NPHP1: variants seen among roughly 807,000 people sequenced by gnomAD.
The protein encoded by NPHP1 is nephrocystin 1.
NPHP1 carries 70 observed loss-of-function variants against 90.4 expected under a neutral mutation model. The ratio of observed to expected loss-of-function variants is 0.77; its 90% CI spans 0.64 to 0.95. The LOEUF (loss-of-function observed/expected upper bound fraction) is 0.95, where lower values mean the gene tolerates loss of function less well. Among genes scored for constraint, NPHP1 ranks in the 40% least tolerant of loss-of-function variants. NPHP1 has a pLI of 0.00. For synonymous variants in NPHP1, 256 were observed against 271.7 expected (o/e 0.94, Z 0.57); for missense variants, 764 against 795.9 (o/e 0.96, Z 0.48).
chr2:110,125,122 A>G (rs2048243), intron 19 of NPHP1: 474,626 of 1,414,880 alleles, frequency 0.34, 84,038 homozygotes, highest in East Asian at 0.59. Flanking sequence ...AAAGCCAAGA[A>G]GATTTTCCAT....
intron 2 of NPHP1, chr2:110,184,442 C>A: frequency 1.4e-6 from 1 of 691,020 alleles, no homozygotes; most frequent in South Asian, 1.7e-5. Flanking sequence ...ACGTTTTCTT[C>A]AAGAGCTTCA....
intron 2 of NPHP1, chr2:110,184,738 C>T (rs1232000525): frequency 1.5e-5 from 11 of 719,032 alleles, no homozygotes; most frequent in Non-Finnish European, 2.9e-5. Context: ...AAGAAAGACC[C>T]TCCTACCTAT....
chr2:110,146,425 T>G (rs1234024454), intron 14 of NPHP1, among the ~76,000 whole-genome samples: 1 of 152,120 alleles, frequency 6.6e-6, no homozygotes, highest in Non-Finnish European at 1.5e-5. Context: ...TGGACTTAAC[T>G]TTCCCACTCT....
intron 4 of NPHP1, among the ~76,000 whole-genome samples, chr2:110,172,321 TG>T (rs1683190589): frequency 6.6e-6 from 1 of 152,130 alleles, no homozygotes; most frequent in Non-Finnish European, 1.5e-5. Flanking sequence ...AGTTTGGCTT[TG>T]TTGATATTGC....
chr2:110,156,765 T>C (rs185899710), intron 11 of NPHP1, among the ~76,000 whole-genome samples: 2 of 149,344 alleles, frequency 1.3e-5, no homozygotes, highest in East Asian at 4.0e-4. Context: ...TGTGTGTGTA[T>C]GTGTTTTGGT....
At chr2:110,181,639 G>T (rs1229765238) in intron 2 of NPHP1, among the ~76,000 whole-genome samples, 1 of 152,130 alleles carries the variant, frequency 6.6e-6, no homozygotes, top group African/African-American at 2.4e-5. Flanking sequence ...TTAAAGGTCA[G>T]CAACCTCAAA....
chr2:110,151,168 GAAAAAAAAAA>G (rs35894521), intron 11 of NPHP1, among the ~76,000 whole-genome samples: 5 of 116,478 alleles, frequency 4.3e-5, no homozygotes, highest in Non-Finnish European at 8.4e-5. Flanking sequence ...TCAGTCTCAA[GAAAAAAAAAA>G]AAAAAAAAAA....
chr2:110,140,867 C>T (rs1037471852), intron 16 of NPHP1, among the ~76,000 whole-genome samples: 1 of 152,088 alleles, frequency 6.6e-6, no homozygotes, highest in African/African-American at 2.4e-5. Context: ...AAAGATTGAA[C>T]TGTTAACACT....
At chr2:110,182,335 G>T (rs1683963894) in intron 2 of NPHP1, among the ~76,000 whole-genome samples, 1 of 151,306 alleles carries the variant, frequency 6.6e-6, no homozygotes, top group Middle Eastern at 3.2e-3. Flanking sequence ...ACATAATCAT[G>T]ATTCTTCAAG....
At chr2:110,176,497 A>G (rs1487025447) in intron 4 of NPHP1, among the ~76,000 whole-genome samples, 1 of 151,722 alleles carries the variant, frequency 6.6e-6, no homozygotes, top group Non-Finnish European at 1.5e-5. Flanking sequence ...GCTTTTTTGC[A>G]TTTCTGATTT....
At chr2:110,172,500 G>C (rs1052538524) in intron 4 of NPHP1, among the ~76,000 whole-genome samples, 8 of 151,694 alleles carry the variant, frequency 5.3e-5, no homozygotes, top group African/African-American at 1.5e-4. Flanking sequence ...TAAATTTCTG[G>C]CCAGGTGTGG....
intron 2 of NPHP1, among the ~76,000 whole-genome samples, chr2:110,193,842 G>T (rs1684935949): frequency 6.6e-6 from 1 of 152,230 alleles, no homozygotes; most frequent in East Asian, 1.9e-4. Context: ...TAGAACTGAG[G>T]ATTAAGAAAC....
chr2:110,123,677 G>T lies in NPHP1; in HGVS notation c.*114C>A. The T allele has an allele frequency of 3.0e-6, 3 of 1,015,474 alleles. No individual in the cohort carries two copies. Among genetic ancestry groups the T allele is most frequent in the Non-Finnish European group, 4.6e-6 (3 of 655,688 alleles). 62.9% of individuals were successfully genotyped at this position (1,015,474 alleles called of 1,614,324 possible). The stretch of plus-strand genomic sequence containing the variant: ...AAAAATATGGTCTGTAGAAAGAAAA[G>T]AGTAAAACCTAAGTTGTAAAGTGAC... On this transcript the variant is annotated 3_prime_UTR_variant, in exon 20 of 20. Transcript: ENST00000445609.
At chr2:110,124,179 G>A (rs1679188648) in intron 19 of NPHP1, 116 bp from the exon 20 acceptor site, 3 of 1,148,978 alleles carry the variant, frequency 2.6e-6, no homozygotes, top group Non-Finnish European at 3.9e-6. Context: ...TTAGTGCCTG[G>A]CAGGTATCGG....
At chr2:110,184,790 G>T (rs561786804) in intron 2 of NPHP1, 3 of 708,620 alleles carry the variant, frequency 4.2e-6, no homozygotes, top group African/African-American at 3.5e-5. Flanking sequence ...GACAGAGAAG[G>T]CTCAGTACTA....
At chr2:110,188,227 T>A (rs1684433856) in intron 2 of NPHP1, among the ~76,000 whole-genome samples, 1 of 152,136 alleles carries the variant, frequency 6.6e-6, no homozygotes. Context: ...ACTCAAATTA[T>A]CCCTGTTTGC....
At chr2:110,183,098 T>G (rs950183076) in intron 2 of NPHP1, among the ~76,000 whole-genome samples, 1 of 152,146 alleles carries the variant, frequency 6.6e-6, no homozygotes, top group Non-Finnish European at 1.5e-5. Flanking sequence ...AGAGCTATCC[T>G]AAATACATAT....
intron 5 of NPHP1, 136 bp from the exon 6 acceptor site, chr2:110,168,689 C>A: frequency 1.5e-6 from 1 of 656,530 alleles, no homozygotes. Context: ...TAAGGTTTAT[C>A]AAAAGCTTCC....
In NPHP1 at chr2:110,165,484, G is replaced by A. The variant is rs17842675; in HGVS notation, c.625-329C>T. On this transcript the variant is annotated intron_variant, in intron 6 of 19. Transcript: ENST00000445609. ...TTTACTTAAATAAAAAAGAAAAGAC[G>A]TAAAGATAAAAATAAAAGAAACATA... is the stretch of plus-strand genomic sequence containing the variant. Among the ~76,000 whole-genome samples the A allele has an allele frequency of 0.29, 44,707 of 151,660 alleles. 7,402 individuals are homozygous for A. The highest frequency in any genetic ancestry group is 0.56 in the East Asian group (2,899 of 5,164).
Sources: allele counts gnomAD v4.1 joint callset (sites outside exome capture counted in the v4.1 genomes callset), GRCh38; gene constraint gnomAD v4.1.1; transcripts MANE v1.5; gene names NCBI Gene and HGNC (gene_info 2026-07-23, HGNC 2026-07-21).